FGF12: variants seen among roughly 807,000 people sequenced by gnomAD.
FGF12 encodes fibroblast growth factor 12B.
A neutral mutation model predicts 23.6 loss-of-function variants in FGF12; 14 were observed. The observed-to-expected ratio is 0.59, with a 90% confidence interval of 0.39 to 0.93. The LOEUF is 0.93. Among genes scored for constraint, FGF12 ranks in the 40% least tolerant of loss-of-function variants. FGF12 has a pLI of 0.00. For synonymous variants in FGF12, 62 were observed against 77.3 expected, an observed-to-expected ratio of 0.80 and a Z score of 1.04; for missense variants, 175 against 217.8, an observed-to-expected ratio of 0.80 and a Z score of 1.24.
intron 2 of FGF12, among the ~76,000 whole-genome samples, chr3:192,430,930 C>T (rs972852426): frequency 1.3e-5 from 2 of 152,124 alleles, no homozygotes; most frequent in African/African-American, 2.4e-5. Flanking sequence ...TGGGTCTATG[C>T]TCAATATCAA....
At chr3:192,604,059 G>C (rs1227274524) in intron 2 of FGF12, among the ~76,000 whole-genome samples, 1 of 152,090 alleles carries the variant, frequency 6.6e-6, no homozygotes, top group African/African-American at 2.4e-5. Context: ...GTCTTTGTGA[G>C]GAAAAGAATT....
chr3:192,158,455 T>G (rs1714642100), intron 5 of FGF12, among the ~76,000 whole-genome samples: 1 of 149,970 alleles, frequency 6.7e-6, no homozygotes, highest in Non-Finnish European at 1.5e-5. Flanking sequence ...TCTTCTTTTT[T>G]CTTGCTTTCT....
chr3:192,515,463 G>T (rs1057248914), intron 2 of FGF12: 1 of 152,440 alleles, frequency 6.6e-6, no homozygotes, highest in Non-Finnish European at 1.5e-5. Context: ...TGCCGATGTG[G>T]GAGTCTGGAC....
At chr3:192,190,906 C>T (rs1716758390) in intron 4 of FGF12, among the ~76,000 whole-genome samples, 1 of 152,140 alleles carries the variant, frequency 6.6e-6, no homozygotes, top group South Asian at 2.1e-4. Context: ...CACGTATGTG[C>T]AACGGATTAT....
intron 2 of FGF12, among the ~76,000 whole-genome samples, chr3:192,392,163 G>C (rs993690751): frequency 1.1e-4 from 16 of 152,138 alleles, no homozygotes; most frequent in Non-Finnish European, 1.8e-4. Flanking sequence ...CAGAAGACTT[G>C]AATTAAGAAG....
At chr3:192,713,951 G>T (rs182706556) in intron 2 of FGF12, among the ~76,000 whole-genome samples, 3 of 152,282 alleles carry the variant, frequency 2.0e-5, no homozygotes, top group African/African-American at 7.2e-5. Context: ...TGTGGTGCTT[G>T]AATTTCATTT....
intron 4 of FGF12, among the ~76,000 whole-genome samples, chr3:192,219,114 T>G (rs1176056503): frequency 4.6e-5 from 7 of 152,174 alleles, no homozygotes; most frequent in Admixed American, 1.3e-4. Flanking sequence ...AGATGGAGTC[T>G]TGCTCTGTCA....
At chr3:192,396,041 G>A (rs898668841) in intron 2 of FGF12, among the ~76,000 whole-genome samples, 11 of 152,158 alleles carry the variant, frequency 7.2e-5, no homozygotes. Context: ...TCATATTGAT[G>A]ATACAATAAT....
intron 5 of FGF12, among the ~76,000 whole-genome samples, chr3:192,168,192 G>A (rs1715335609): frequency 6.6e-6 from 1 of 151,244 alleles, no homozygotes; most frequent in Non-Finnish European, 1.5e-5. Flanking sequence ...AATTGTTAAT[G>A]ACCTTGTACT....
intron 4 of FGF12, among the ~76,000 whole-genome samples, chr3:192,191,034 A>G (rs1716764698): frequency 1.3e-5 from 2 of 152,220 alleles, no homozygotes; most frequent in Non-Finnish European, 1.5e-5. Flanking sequence ...TAGATCTTGT[A>G]TAATTAGACA....
chr3:192,620,756 C>T (rs1234637768), intron 2 of FGF12, among the ~76,000 whole-genome samples: 1 of 152,024 alleles, frequency 6.6e-6, no homozygotes, highest in Non-Finnish European at 1.5e-5. Flanking sequence ...GCTGTGAGCC[C>T]CCCAACATCA....
chr3:192,426,173 T>C (rs1417499775), intron 2 of FGF12, among the ~76,000 whole-genome samples: 1 of 152,222 alleles, frequency 6.6e-6, no homozygotes, highest in Non-Finnish European at 1.5e-5. Context: ...ACCATTAACT[T>C]GGTCTAAGAT....
chr3:192,563,142 A>G (rs1264245750), intron 2 of FGF12, among the ~76,000 whole-genome samples: 4 of 152,220 alleles, frequency 2.6e-5, no homozygotes, highest in Non-Finnish European at 5.9e-5. Flanking sequence ...ACTGGGACCT[A>G]CCGTTGAAGT....
intron 2 of FGF12, among the ~76,000 whole-genome samples, chr3:192,521,798 C>T (rs900205991): frequency 6.6e-5 from 10 of 152,146 alleles, no homozygotes; most frequent in African/African-American, 2.4e-4. Context: ...TCAGCTTGCA[C>T]ATGTATATTT....
chr3:192,189,665 C>T (rs1178788658), intron 4 of FGF12, among the ~76,000 whole-genome samples: 2 of 152,130 alleles, frequency 1.3e-5, no homozygotes, highest in Non-Finnish European at 2.9e-5. Flanking sequence ...AAAACAGCCA[C>T]ATGAAGAGGC....
chr3:192,175,114 C>A (rs1007908751), intron 4 of FGF12, among the ~76,000 whole-genome samples: 1 of 152,124 alleles, frequency 6.6e-6, no homozygotes, highest in African/African-American at 2.4e-5. Flanking sequence ...TAGACAATCA[C>A]ATATATTCAG....
intron 2 of FGF12, among the ~76,000 whole-genome samples, chr3:192,483,434 T>C (rs943436004): frequency 6.6e-6 from 1 of 152,034 alleles, no homozygotes; most frequent in Non-Finnish European, 1.5e-5. Context: ...GTAAAAAAAA[T>C]GTCTAATGTC....
intron 2 of FGF12, among the ~76,000 whole-genome samples, chr3:192,574,118 C>T (rs1712773964): frequency 6.6e-6 from 1 of 152,190 alleles, no homozygotes; most frequent in African/African-American, 2.4e-5. Flanking sequence ...ACATACAGGA[C>T]TCTTGTATTT....
intron 2 of FGF12, among the ~76,000 whole-genome samples, chr3:192,450,862 C>T (rs1300130546): frequency 6.6e-6 from 1 of 152,122 alleles, no homozygotes; most frequent in Non-Finnish European, 1.5e-5. Flanking sequence ...TTGCCAGAAC[C>T]CTTTTCCAAA....
Sources: gnomAD v4.1 joint callset for allele counts (sites outside exome capture counted in the v4.1 genomes callset) on GRCh38, gnomAD v4.1.1 for gene constraint, MANE v1.5 for transcripts, NCBI Gene and HGNC (gene_info 2026-07-23, HGNC 2026-07-21) for gene names.